SLIT2: variants seen among roughly 807,000 people sequenced by gnomAD.
The protein encoded by SLIT2 is slit homolog 2 protein.
In SLIT2, 41 loss-of-function variants were observed where a neutral mutation model predicts 185.7. The observed-to-expected ratio is 0.22, with a 90% CI of 0.17 to 0.29. The LOEUF is 0.29. Among genes scored for constraint, SLIT2 ranks in the 10% least tolerant of loss-of-function variants. The probability of loss-of-function intolerance (pLI) is 1.00; values close to 1 mark genes in which losing one functional copy is unlikely to be tolerated. For synonymous variants in SLIT2, 693 were observed against 680.2 expected (o/e 1.02, Z -0.29); for missense variants, 1,571 against 1,909.0 (o/e 0.82, Z 3.30).
At chr4:20,258,035 G>T (rs1010537344) in intron 3 of SLIT2, 96 bp downstream of exon 3, 1 of 628,394 alleles carries the variant, frequency 1.6e-6, no homozygotes, top group Non-Finnish European at 2.8e-6. Flanking sequence ...ATGTCTTAGG[G>T]TTTGAAATTT....
At chr4:20,545,033 G>C (rs558465140) in intron 21 of SLIT2, among the ~76,000 whole-genome samples, 1 of 152,024 alleles carries the variant, frequency 6.6e-6, no homozygotes, top group East Asian at 1.9e-4. Context: ...GATAACTGGT[G>C]CCTTTTATAT....
At chr4:20,378,878 A>G (rs971861205) in intron 4 of SLIT2, among the ~76,000 whole-genome samples, 3 of 152,166 alleles carry the variant, frequency 2.0e-5, no homozygotes, top group Non-Finnish European at 1.5e-5. Context: ...ACTGAGGTAC[A>G]TCTAAGCAAT....
At chr4:20,294,338 G>A (rs947420743) in intron 4 of SLIT2, among the ~76,000 whole-genome samples, 1 of 144,784 alleles carries the variant, frequency 6.9e-6, no homozygotes, top group African/African-American at 2.5e-5. Context: ...GACAGAGTGA[G>A]ACTCTGTCTC....
intron 4 of SLIT2, among the ~76,000 whole-genome samples, chr4:20,462,129 A>G (rs1713787448): frequency 6.7e-6 from 1 of 149,738 alleles, no homozygotes; most frequent in Non-Finnish European, 1.5e-5. Flanking sequence ...CCAATCGGTC[A>G]AATACTGGAA....
intron 11 of SLIT2, among the ~76,000 whole-genome samples, chr4:20,513,530 C>T (rs1018687925): frequency 1.4e-4 from 22 of 152,096 alleles, no homozygotes; most frequent in African/African-American, 5.3e-4. Context: ...TGTATTGGGC[C>T]CGATTATGTA....
chr4:20,375,750 T>C (rs1049405122), intron 4 of SLIT2, among the ~76,000 whole-genome samples: 3 of 151,976 alleles, frequency 2.0e-5, no homozygotes, highest in African/African-American at 7.2e-5. Flanking sequence ...CATCAAAGGA[T>C]CTAATTTTAG....
chr4:20,280,002 T>C (rs1233693766), intron 4 of SLIT2, among the ~76,000 whole-genome samples: 1 of 152,018 alleles, frequency 6.6e-6, no homozygotes, highest in African/African-American at 2.4e-5. Context: ...TGGGATGATA[T>C]ATGTTGAGGT....
chr4:20,565,962 T>G (rs982972041), intron 26 of SLIT2, among the ~76,000 whole-genome samples: 4 of 152,036 alleles, frequency 2.6e-5, no homozygotes, highest in Admixed American at 2.6e-4. Context: ...TATGAAGAGA[T>G]ACAATGAATC....
intron 26 of SLIT2, among the ~76,000 whole-genome samples, chr4:20,561,046 G>C (rs1486555473): frequency 6.6e-6 from 1 of 151,846 alleles, no homozygotes; most frequent in Non-Finnish European, 1.5e-5. Context: ...CTATGGAATT[G>C]TAACTGATAC....
At chr4:20,404,379 A>G (rs1014588611) in intron 4 of SLIT2, among the ~76,000 whole-genome samples, 2 of 151,958 alleles carry the variant, frequency 1.3e-5, no homozygotes, top group South Asian at 4.1e-4. Flanking sequence ...CTCTGAAATA[A>G]GATATCCCTG....
intron 4 of SLIT2, among the ~76,000 whole-genome samples, chr4:20,285,105 G>A (rs1404010950): frequency 6.6e-6 from 1 of 152,146 alleles, no homozygotes; most frequent in African/African-American, 2.4e-5. Context: ...AGAATTCAGT[G>A]TCTGCACATA....
intron 33 of SLIT2, among the ~76,000 whole-genome samples, chr4:20,608,213 A>G (rs1287686918): frequency 1.3e-5 from 2 of 152,122 alleles, no homozygotes; most frequent in Admixed American, 6.5e-5. Flanking sequence ...GGAAGGCAGA[A>G]ATATTTATTA....
Position 20,370,218 on chromosome 4 carries a change from G to A in SLIT2, c.396-97534G>A, listed in dbSNP as rs985715788. ...CAGGTTTCCTGCTTGATGTGTGAAA[G>A]GGAGCTTTCAAAATATAGAAAACTC... On this transcript the variant is annotated intron_variant, in intron 4 of 36. Transcript: ENST00000504154. Among the ~76,000 whole-genome samples, 5 of 152,042 alleles carry A rather than the reference G, an allele frequency of 3.3e-5. No homozygotes were observed. The East Asian group carries it at 9.7e-4, about 30-fold the overall frequency.
chr4:20,362,986 G>C (rs930511558), intron 4 of SLIT2, among the ~76,000 whole-genome samples: 12 of 151,842 alleles, frequency 7.9e-5, no homozygotes, highest in African/African-American at 2.9e-4. Context: ...TGGGTCTGTA[G>C]GTTCAGTACA....
intron 4 of SLIT2, among the ~76,000 whole-genome samples, chr4:20,307,441 T>C (rs1489219126): frequency 6.6e-6 from 1 of 151,798 alleles, no homozygotes; most frequent in Non-Finnish European, 1.5e-5. Context: ...TTCTTAATTT[T>C]TTTTCATAGA....
chr4:20,554,763 G>T (rs532969343), intron 26 of SLIT2, among the ~76,000 whole-genome samples: 1 of 146,236 alleles, frequency 6.8e-6, no homozygotes, highest in African/African-American at 2.5e-5. Flanking sequence ...CTTTTGTTTT[G>T]TTTTTTTTTT....
At chr4:20,518,555 A>ATGTGTGTG (rs1411285170) in intron 11 of SLIT2, among the ~76,000 whole-genome samples, 1 of 23,270 alleles carries the variant, frequency 4.3e-5, no homozygotes, top group African/African-American at 1.2e-4. Flanking sequence ...CCCAGCCTAT[A>ATGTGTGTG]TGTATATATA....
At chr4:20,615,141 A>G (rs1364257099) in intron 34 of SLIT2, 1 of 152,200 alleles carries the variant, frequency 6.6e-6, no homozygotes, top group Non-Finnish European at 1.5e-5. Context: ...GACCATAAAT[A>G]TGTGGTCATT....
Position 20,339,435 on chromosome 4 carries a change from A to G in SLIT2, c.395+70554A>G, listed in dbSNP as rs1720781810. Reference sequence around the variant, plus strand: ...TAATTTCAAGAAAGGCACAGCAACAAGAATTTCAGGAGCAAAAGGGTATGG... The same window carrying G: ...TAATTTCAAGAAAGGCACAGCAACAGGAATTTCAGGAGCAAAAGGGTATGG... On this transcript the variant is annotated intron_variant, in intron 4 of 36. Transcript: ENST00000504154. 2.0e-5 allele frequency among the ~76,000 whole-genome samples: 3 copies of G among 152,336 alleles called. No homozygotes were observed. The South Asian group carries it at 6.2e-4, about 32-fold the overall frequency.
Sources: allele counts gnomAD v4.1 joint callset (sites outside exome capture counted in the v4.1 genomes callset), GRCh38; gene constraint gnomAD v4.1.1; transcripts MANE v1.5; gene names NCBI Gene and HGNC (gene_info 2026-07-23, HGNC 2026-07-21).